The following AK6 variants were observed in gnomAD, a reference collection of about 807,000 sequenced individuals.
AK6 encodes the protein adenylate kinase 6, also known as adenylate kinase isoenzyme 6.
AK6 carries 24 observed loss-of-function variants against 23.7 expected under a neutral mutation model. The observed-to-expected ratio is 1.01, with a 90% CI of 0.73 to 1.43. The LOEUF (loss-of-function observed/expected upper bound fraction) is 1.43. AK6 is among the 40% of genes most tolerant of loss of function. The pLI, the probability that AK6 is intolerant of heterozygous loss-of-function variation, is 0.00. For missense variants in AK6, 191 were observed against 199.1 expected (o/e 0.96, Z 0.24); for synonymous variants, 73 against 69.8 (o/e 1.05, Z -0.23).
intron 4 of AK6, chr5:69,355,358 C>A: frequency 1.3e-5 from 4 of 297,734 alleles, no homozygotes; most frequent in Middle Eastern, 1.0e-3. Context: ...ACATGGGAGA[C>A]CCCATCTCTA....
At chr5:69,364,823 T>C (rs1387383321) in intron 2 of AK6, 1 of 878,516 alleles carries the variant, frequency 1.1e-6, no homozygotes, top group East Asian at 2.4e-5. Context: ...GTATGGTAAC[T>C]GTGTTTACTC....
At chr5:69,365,941 T>C (rs972052563) in intron 2 of AK6, among the ~76,000 whole-genome samples, 5 of 152,226 alleles carry the variant, frequency 3.3e-5, no homozygotes, top group African/African-American at 1.2e-4. Flanking sequence ...ATTGAGTTCC[T>C]ACCATGTACA....
chr5:69,360,007 G>A (rs553031467), intron 2 of AK6, among the ~76,000 whole-genome samples: 12 of 152,308 alleles, frequency 7.9e-5, no homozygotes, highest in Admixed American at 6.5e-4. Context: ...ATAAATACTC[G>A]AGGTGGAAAA....
Position 69,369,235 on chromosome 5 carries a change from C to A in AK6, c.28+228G>T, listed in dbSNP as rs1178719111. ...CTGCCGACCTCTCTCCACCCCCCCC[C>A]GCCCCCCCCCGGAGCCTCAGGCCAA... is the stretch of plus-strand genomic sequence containing the variant. On this transcript the variant is annotated intron_variant, in intron 1 of 4. Transcript: ENST00000380822. 8.5e-5 allele frequency: 6 copies of A among 70,904 alleles called. No individual in the cohort carries two copies. The South Asian group carries it at 1.5e-3, about 17-fold the overall frequency. 4.4% of individuals were successfully genotyped at this position (70,904 alleles called of 1,614,324 possible).
chr5:69,356,587 G>A lies in AK6; in HGVS notation c.122-634C>T, dbSNP rs184490187. Among the ~76,000 whole-genome samples the A allele has an allele frequency of 2.6e-4, 40 of 152,174 alleles. No individual in the cohort carries two copies. In the East Asian group the frequency reaches 7.1e-3, roughly 27 times the overall value. The stretch of plus-strand genomic sequence containing the variant: ...GATTGCTTGAGCCTGGGAGGTGGAG[G>A]TTACAATAAGGTGAGATCACACCAC... On this transcript the variant is annotated intron_variant, in intron 2 of 4. Coordinates refer to ENST00000380822, the MANE Select transcript of AK6 (RefSeq NM_016283.5).
intron 2 of AK6, among the ~76,000 whole-genome samples, chr5:69,356,280 A>C (rs1275468888): frequency 1.3e-5 from 2 of 152,202 alleles, no homozygotes; most frequent in Admixed American, 1.3e-4. Context: ...ATTTTTGTTG[A>C]ACTACAGATT....
At chr5:69,353,595 C>G (rs1017887523) in intron 4 of AK6, among the ~76,000 whole-genome samples, 1 of 152,042 alleles carries the variant, frequency 6.6e-6, no homozygotes, top group Non-Finnish European at 1.5e-5. Flanking sequence ...CGCGCCCACC[C>G]CCAAAATTTT....
chr5:69,361,442 TTTTC>T (rs1027506644), intron 2 of AK6, among the ~76,000 whole-genome samples: 7 of 150,252 alleles, frequency 4.7e-5, no homozygotes, highest in South Asian at 2.1e-4. Context: ...TCTTTAATAG[TTTTC>T]TTTTTTTTTT....
intron 2 of AK6, among the ~76,000 whole-genome samples, chr5:69,356,818 A>T (rs1210247443): frequency 2.0e-5 from 3 of 152,208 alleles, no homozygotes; most frequent in Non-Finnish European, 4.4e-5. Context: ...GTTCCTCATA[A>T]GAGTTAAATA....
chr5:69,364,216 AATATAT>A (rs934190508), intron 2 of AK6, among the ~76,000 whole-genome samples: 13 of 150,506 alleles, frequency 8.6e-5, no homozygotes, highest in Admixed American at 7.9e-4. Context: ...AATTAAAAAA[AATATAT>A]ATATATATAA....
chr5:69,355,959 A>G lies in AK6; in HGVS notation c.122-6T>C. 1 of 1,594,078 alleles carries G rather than the reference A, an allele frequency of 6.3e-7. No individual in the cohort carries two copies. The highest frequency in any genetic ancestry group is 8.5e-7 in the Non-Finnish European group (1 of 1,173,988). ...ATAGCCATCATACAATTGCTCTAAA[A>G]GAGATTTAGAATTGCTTGTTGAAAT... On this transcript the variant is annotated splice_region_variant and splice_polypyrimidine_tract_variant and intron_variant, in intron 2 of 4. Coordinates refer to ENST00000380822, the MANE Select transcript of AK6 (RefSeq NM_016283.5).
chr5:69,369,129 C>A, intron 1 of AK6: 1 of 437,100 alleles, frequency 2.3e-6, no homozygotes, highest in South Asian at 4.3e-5. Flanking sequence ...GCCAACCCTG[C>A]CAAAGAATCA....
intron 2 of AK6, 150 bp from the exon 3 acceptor site, chr5:69,356,103 C>A: frequency 1.6e-6 from 1 of 642,690 alleles, no homozygotes; most frequent in East Asian, 2.9e-5. Flanking sequence ...GTTACATAAA[C>A]ACCAAATATA....
intron 2 of AK6, among the ~76,000 whole-genome samples, chr5:69,362,299 T>C (rs28438532): frequency 0.99 from 150,711 of 152,192 alleles, 74,623 homozygotes; most frequent in East Asian, 1. Context: ...CAACCCAAAA[T>C]GTCTTCACAC....
chr5:69,360,337 G>A (rs1287823875), intron 2 of AK6, among the ~76,000 whole-genome samples: 1 of 152,186 alleles, frequency 6.6e-6, no homozygotes, highest in South Asian at 2.1e-4. Context: ...TAAAGGCCAA[G>A]TGGATCTGTG....
chr5:69,361,399 G>A (rs981382815), intron 2 of AK6, among the ~76,000 whole-genome samples: 1 of 152,026 alleles, frequency 6.6e-6, no homozygotes, highest in African/African-American at 2.4e-5. Context: ...GGGATTACAG[G>A]CGTGAGCCAC....
chr5:69,360,050 T>C (rs1338335246), intron 2 of AK6, among the ~76,000 whole-genome samples: 5 of 152,194 alleles, frequency 3.3e-5, no homozygotes, highest in Admixed American at 3.3e-4. Context: ...ATGGCTGCAC[T>C]GAAGGGGACA....
chr5:69,365,174 T>A, intron 2 of AK6: 1 of 1,614,238 alleles, frequency 6.2e-7, no homozygotes, highest in African/African-American at 1.3e-5. Context: ...GCATCTGTAC[T>A]GTAAACCTTT....
chr5:69,362,872 A>G (rs901116371), intron 2 of AK6, among the ~76,000 whole-genome samples: 1 of 152,174 alleles, frequency 6.6e-6, no homozygotes, highest in Non-Finnish European at 1.5e-5. Context: ...CTTAGATCCC[A>G]TTTCATGAAA....
Sources: allele counts gnomAD v4.1 joint callset (sites outside exome capture counted in the v4.1 genomes callset), GRCh38; gene constraint gnomAD v4.1.1; transcripts MANE v1.5; gene names NCBI Gene and HGNC (gene_info 2026-07-23, HGNC 2026-07-21).